The following TPGS2 variants were observed in gnomAD, a reference collection of about 807,000 sequenced individuals.
The protein encoded by TPGS2 is polyglutamylase subunit 2.
A neutral mutation model predicts 31.1 loss-of-function variants in TPGS2; 26 were observed. The observed-to-expected ratio is 0.84, with a 90% CI of 0.61 to 1.16. The LOEUF (loss-of-function observed/expected upper bound fraction) is 1.16, where lower values mean the gene tolerates loss of function less well. Among genes scored for constraint, TPGS2 ranks in the 50% most tolerant of loss-of-function variants. The pLI is 0.00. For synonymous variants in TPGS2, 130 were observed against 136.6 expected (o/e 0.95, Z 0.34); for missense variants, 351 against 363.8 (o/e 0.96, Z 0.29).
chr18:36,824,126 T>C (rs1295159123), intron 1 of TPGS2, among the ~76,000 whole-genome samples: 4 of 152,236 alleles, frequency 2.6e-5, no homozygotes, highest in South Asian at 2.1e-4. Context: ...AATGGAATCA[T>C]ACATGTGGCT....
chr18:36,796,705 A>G lies in TPGS2; in HGVS notation c.*100T>C, dbSNP rs977640500. 5 of 1,481,100 alleles carry G rather than the reference A, an allele frequency of 3.4e-6. No homozygotes were observed. The highest frequency in any genetic ancestry group is 4.5e-6 in the Non-Finnish European group (5 of 1,123,274). 91.7% of individuals were successfully genotyped at this position (1,481,100 alleles called of 1,614,324 possible). A position where few individuals can be genotyped will look rare whatever the true frequency, so the allele number is the denominator to read the frequency against. ...CAATTTTGGTCATTCAACTAGAAAG[A>G]GGCCTACGGTCCACACGCAAAACTG... On this transcript the variant is annotated 3_prime_UTR_variant, in exon 7 of 7. Coordinates refer to ENST00000334295, the MANE Select transcript of TPGS2 (RefSeq NM_015476.4).
intron 2 of TPGS2, among the ~76,000 whole-genome samples, chr18:36,808,511 G>T (rs1454876453): frequency 1.3e-5 from 2 of 151,916 alleles, no homozygotes; most frequent in Non-Finnish European, 2.9e-5. Context: ...GGTGGCGGGC[G>T]CCTGTAGTCC....
intron 1 of TPGS2, 29 bp downstream of exon 1, chr18:36,828,654 C>G (rs1422170916): frequency 6.2e-7 from 1 of 1,612,868 alleles, no homozygotes; most frequent in Non-Finnish European, 8.5e-7. Context: ...TCCTCCACAC[C>G]CTCTCGGCAC....
intron 6 of TPGS2, among the ~76,000 whole-genome samples, chr18:36,797,442 G>C (rs1420770253): frequency 8.5e-6 from 1 of 117,486 alleles, no homozygotes; most frequent in Non-Finnish European, 2.1e-5. Flanking sequence ...ATTCCCCCAG[G>C]AAAGGCAGGA....
rs2150550874 is a variant in TPGS2, at chr18:36,794,781, A to G, written c.*2024T>C. 2 of 985,124 alleles carry G rather than the reference A, an allele frequency of 2.0e-6. No homozygotes were observed. The highest frequency in any genetic ancestry group is 9.4e-5 in the South Asian group (2 of 21,262). The allele number at this position is 985,124 out of a possible 1,614,324, so 61.0% of individuals were successfully genotyped here. A position where few individuals can be genotyped will look rare whatever the true frequency, so the allele number is the denominator to read the frequency against. ...TGAAGTATAATAACCTAAACAACTA[A>G]AAGGGCCAAAATGTCTCCTAGAGAA... On this transcript the variant is annotated 3_prime_UTR_variant, in exon 7 of 7. Coordinates refer to ENST00000334295, the MANE Select transcript of TPGS2 (RefSeq NM_015476.4).
At chr18:36,802,314 G>A (rs2044860527) in intron 4 of TPGS2, among the ~76,000 whole-genome samples, 1 of 152,144 alleles carries the variant, frequency 6.6e-6, no homozygotes, top group African/African-American at 2.4e-5. Flanking sequence ...AACTCAATGT[G>A]GCTCCCTTCT....
chr18:36,817,432 TC>T (rs1194316661), intron 2 of TPGS2, among the ~76,000 whole-genome samples: 2 of 148,786 alleles, frequency 1.3e-5, no homozygotes, highest in African/African-American at 2.4e-5. Context: ...TTTCTTTCTT[TC>T]TTTTTTTTTT....
At chr18:36,827,773 C>A (rs2046238309) in intron 1 of TPGS2, among the ~76,000 whole-genome samples, 1 of 152,200 alleles carries the variant, frequency 6.6e-6, no homozygotes, top group Non-Finnish European at 1.5e-5. Context: ...AGATCAGTCC[C>A]CTCCTCTGTG....
intron 2 of TPGS2, among the ~76,000 whole-genome samples, chr18:36,816,350 T>C (rs888256079): frequency 6.6e-6 from 1 of 152,212 alleles, no homozygotes; most frequent in Admixed American, 6.5e-5. Context: ...AACTCAGCTA[T>C]GGAAGGCAGC....
intron 2 of TPGS2, among the ~76,000 whole-genome samples, chr18:36,813,763 A>C (rs1161004273): frequency 4.6e-5 from 7 of 152,192 alleles, no homozygotes; most frequent in Non-Finnish European, 8.8e-5. Context: ...TTTTGTTTTT[A>C]ATTTTAAAGA....
In TPGS2 at chr18:36,794,874, CA is replaced by C; in HGVS notation, c.*1930del. On this transcript the variant is annotated 3_prime_UTR_variant, in exon 7 of 7. Transcript: ENST00000334295. ...ACACACACACACACACACACACACA[CA>C]CACACACGTTTAAATGACCACACTG... 6 of 960,372 alleles carry C rather than the reference CA, an allele frequency of 6.2e-6. No homozygotes were observed. Among genetic ancestry groups the C allele is most frequent in the Non-Finnish European group, 7.3e-6 (6 of 816,602 alleles). 59.5% of individuals were successfully genotyped at this position (960,372 alleles called of 1,614,324 possible).
chr18:36,800,283 G>C lies in TPGS2; in HGVS notation c.411C>G (p.His137Gln), dbSNP rs755118296. The C allele has an allele frequency of 3.3e-5, 53 of 1,614,168 alleles. No individual in the cohort carries two copies. The Middle Eastern group carries it at 1.8e-3, about 55-fold the overall frequency. The change falls in exon 5 of 7, where the codon CAC becomes CAG. Residue 137 changes from histidine (H) to glutamine (Q), a missense_variant. Physicochemically the swap from His to Gln is conservative, Grantham distance 24. Coordinates refer to ENST00000334295, the MANE Select transcript of TPGS2 (RefSeq NM_015476.4). ...CAAATATCACACTGCGAGAGTCAAA[G>C]TGAGGCTTCTCTGGCTGATCATCAC... is the stretch of plus-strand genomic sequence containing the variant. ...EASDDQPEKP[H>Q]FDSRSVIFEL... is the part of the protein sequence containing the mutation.
intron 1 of TPGS2, among the ~76,000 whole-genome samples, chr18:36,824,965 C>A (rs535260457): frequency 6.6e-6 from 1 of 152,082 alleles, no homozygotes; most frequent in Non-Finnish European, 1.5e-5. Flanking sequence ...CTGTTTTCTT[C>A]CAAGAGTCTT....
chr18:36,807,713 T>C (rs372453356), intron 3 of TPGS2, 134 bp downstream of exon 3: 1 of 712,418 alleles, frequency 1.4e-6, no homozygotes. Context: ...TAATCACAGC[T>C]TCTGGACATG....
intron 1 of TPGS2, among the ~76,000 whole-genome samples, chr18:36,826,673 G>A (rs1231561442): frequency 6.6e-6 from 1 of 152,200 alleles, no homozygotes; most frequent in Non-Finnish European, 1.5e-5. Context: ...CAATCGGGCT[G>A]CCAAAATCCT....
intron 2 of TPGS2, among the ~76,000 whole-genome samples, chr18:36,814,730 G>A (rs1009376349): frequency 1.3e-5 from 2 of 152,168 alleles, no homozygotes; most frequent in African/African-American, 4.8e-5. Context: ...CCCAGAGGAA[G>A]CTCTGGAAAT....
rs572475412 is a variant in TPGS2 at position 36,807,467 on chromosome 18, C to T, written c.253+380G>A. On this transcript the variant is annotated intron_variant, in intron 3 of 6. Coordinates refer to ENST00000334295, the MANE Select transcript of TPGS2 (RefSeq NM_015476.4). Reference sequence around the variant, plus strand: ...GAAGAGCCTGAAAGAGATAAGTGGCCCCCTCATCAACACTAGAGACTGTCA... The same window carrying T: ...GAAGAGCCTGAAAGAGATAAGTGGCTCCCTCATCAACACTAGAGACTGTCA... The T allele has an allele frequency of 1.0e-4, 19 of 187,954 alleles. No homozygotes were observed. In the South Asian group the frequency reaches 2.7e-3, roughly 26 times the overall value. 11.6% of individuals were successfully genotyped at this position (187,954 alleles called of 1,614,324 possible).
At chr18:36,798,286 G>A in intron 6 of TPGS2, 163 bp downstream of exon 6, 1 of 1,445,840 alleles carries the variant, frequency 6.9e-7, no homozygotes. Context: ...AAGTGAGGCT[G>A]TCCATTGGAA....
At chr18:36,798,376 C>T (rs1212761295) in intron 6 of TPGS2, 73 bp downstream of exon 6, 6 of 1,598,856 alleles carry the variant, frequency 3.8e-6, no homozygotes, top group Non-Finnish European at 4.3e-6. Flanking sequence ...AGTTGGGAAC[C>T]TGCAATGTAA....
Sources: allele counts gnomAD v4.1 joint callset (sites outside exome capture counted in the v4.1 genomes callset), GRCh38; gene constraint gnomAD v4.1.1; transcripts MANE v1.5; gene names NCBI Gene and HGNC (gene_info 2026-07-23, HGNC 2026-07-21).